Variants in CAP1 observed in about 807,000 individuals in gnomAD.
The protein encoded by CAP1 is adenylyl cyclase-associated protein 1.
Under a neutral mutation model 58.2 loss-of-function variants are expected in CAP1, and 11 were observed. The ratio of observed to expected loss-of-function variants is 0.19; its 90% CI spans 0.12 to 0.31. The LOEUF (loss-of-function observed/expected upper bound fraction) is 0.31. Ranked by LOEUF, CAP1 falls within the 10% of genes least tolerant of loss-of-function variation. The pLI is 1.00. For missense variants in CAP1, 423 were observed against 587.5 expected (o/e 0.72, Z 2.89); for synonymous variants, 183 against 213.8 (o/e 0.86, Z 1.26).
chr1:40,047,854 A>G (rs896431348), intron 1 of CAP1, among the ~76,000 whole-genome samples: 1 of 152,166 alleles, frequency 6.6e-6, no homozygotes, highest in Non-Finnish European at 1.5e-5. Flanking sequence ...GGTAGAGGAC[A>G]TGTGTAAGGA....
chr1:40,053,078 G>A (rs1299403984), intron 1 of CAP1, among the ~76,000 whole-genome samples: 1 of 152,146 alleles, frequency 6.6e-6, no homozygotes, highest in African/African-American at 2.4e-5. Context: ...CAAAAAATTA[G>A]CCGGGCGTGG....
chr1:40,063,009 T>G (rs966601734), intron 4 of CAP1, among the ~76,000 whole-genome samples: 4 of 151,918 alleles, frequency 2.6e-5, no homozygotes, highest in African/African-American at 9.7e-5. Context: ...AAAAAAATTT[T>G]TTTTTTGAGA....
chr1:40,070,545 C>T, intron 11 of CAP1, 33 bp downstream of exon 11: 2 of 1,505,126 alleles, frequency 1.3e-6, no homozygotes, highest in Non-Finnish European at 1.9e-6. Flanking sequence ...TCTTTTTGTC[C>T]CTGAGGAATT....
chr1:40,048,863 G>A (rs1646227012), intron 1 of CAP1, among the ~76,000 whole-genome samples: 1 of 152,144 alleles, frequency 6.6e-6, no homozygotes, highest in Non-Finnish European at 1.5e-5. Flanking sequence ...GCATTTTGAA[G>A]CAAATCAATT....
intron 7 of CAP1, 89 bp from the exon 8 acceptor site, chr1:40,067,429 TCAAAGGCTGTGGTGGGGACCCC>T (rs1647136509): frequency 6.6e-6 from 6 of 903,096 alleles, no homozygotes; most frequent in Non-Finnish European, 1.0e-5. Flanking sequence ...AATCATTGCC[TCAAAGGCTGTGGTGGGGACCCC>T]ATGTGCACTG....
In CAP1 at chr1:40,059,720, T is replaced by C. The variant is rs940412682; in HGVS notation, c.112+262T>C. On this transcript the variant is annotated intron_variant, in intron 2 of 12. Coordinates refer to ENST00000372805, the MANE Select transcript of CAP1 (RefSeq NM_006367.4). Reference sequence around the variant, plus strand: ...CAGAATGACTCCAATGTAAGTCAAATGACAAGTGATAATAAAATTCCTCTC... The same window carrying C: ...CAGAATGACTCCAATGTAAGTCAAACGACAAGTGATAATAAAATTCCTCTC... Among the ~76,000 whole-genome samples the C allele has an allele frequency of 2.6e-5, 4 of 152,320 alleles. No individual in the cohort carries two copies. The South Asian group carries it at 6.2e-4, about 24-fold the overall frequency.
At chr1:40,043,766 A>G (rs1041340039) in intron 1 of CAP1, among the ~76,000 whole-genome samples, 1 of 152,056 alleles carries the variant, frequency 6.6e-6, no homozygotes, top group African/African-American at 2.4e-5. Flanking sequence ...AGTCCCAGCT[A>G]CTTGGGAGGC....
At chr1:40,068,530 G>A (rs1190193834) in intron 8 of CAP1, among the ~76,000 whole-genome samples, 4 of 151,518 alleles carry the variant, frequency 2.6e-5, no homozygotes, top group Non-Finnish European at 5.9e-5. Context: ...TGCCCACCTC[G>A]GCCTCCCAAA....
chr1:40,055,689 T>A (rs1463849548), intron 1 of CAP1, among the ~76,000 whole-genome samples: 2 of 152,140 alleles, frequency 1.3e-5, no homozygotes, highest in African/African-American at 2.4e-5. Flanking sequence ...AAATTATTTT[T>A]GTAGAGACAA....
At chr1:40,061,123 T>G (rs1469822867) in intron 3 of CAP1, among the ~76,000 whole-genome samples, 2 of 151,878 alleles carry the variant, frequency 1.3e-5, no homozygotes, top group South Asian at 4.1e-4. Flanking sequence ...GATAAAAGTT[T>G]CACAAGATGA....
chr1:40,066,407 C>A, intron 7 of CAP1, 87 bp downstream of exon 7: 3 of 673,620 alleles, frequency 4.5e-6, no homozygotes, highest in South Asian at 1.6e-5. Flanking sequence ...TTCAGCACTA[C>A]CAAAGTCTGT....
chr1:40,055,961 A>G (rs1320911147), intron 1 of CAP1, among the ~76,000 whole-genome samples: 1 of 152,204 alleles, frequency 6.6e-6, no homozygotes, highest in East Asian at 1.9e-4. Flanking sequence ...AAGCACTTCT[A>G]CATGGATTCC....
Position 40,064,244 on chromosome 1 carries a change from G to T in CAP1, c.312G>T (p.Leu104Phe), listed in dbSNP as rs374583222. 8.3e-5 allele frequency: 134 copies of T among 1,614,020 alleles called. No homozygotes were observed. Among genetic ancestry groups the T allele is most frequent in the Non-Finnish European group, 1.1e-4 (131 of 1,180,022 alleles). Residue 104 changes from leucine to phenylalanine, a missense_variant, in exon 5 of 13, where the codon TTG becomes TTT. Leu to Phe is a conservative substitution (Grantham distance 22). Coordinates refer to ENST00000372805, the MANE Select transcript of CAP1 (RefSeq NM_006367.4). ...TTTCCTAGAATAAGCTTTCCGATTT[G>T]TTGGCACCCATCTCAGAGCAGATCA... ...QQPAENKLSD[L>F]LAPISEQIKE...
At chr1:40,062,974 T>A (rs994081115) in intron 4 of CAP1, among the ~76,000 whole-genome samples, 2 of 151,980 alleles carry the variant, frequency 1.3e-5, no homozygotes, top group African/African-American at 2.4e-5. Context: ...AGCCCCTAAT[T>A]GTTTTTTATT....
chr1:40,041,588 C>A (rs1414410474), intron 1 of CAP1: 2 of 152,184 alleles, frequency 1.3e-5, no homozygotes, highest in Non-Finnish European at 2.9e-5. Context: ...CTTCTTTCAG[C>A]CTCCTTTTGT....
intron 3 of CAP1, among the ~76,000 whole-genome samples, chr1:40,061,305 G>T (rs996144105): frequency 6.6e-6 from 1 of 152,188 alleles, no homozygotes; most frequent in Non-Finnish European, 1.5e-5. Flanking sequence ...TAATCTAAAG[G>T]AGTAAATACC....
intron 1 of CAP1, among the ~76,000 whole-genome samples, chr1:40,057,167 A>G (rs577205133): frequency 1.2e-4 from 19 of 152,364 alleles, no homozygotes; most frequent in Admixed American, 4.6e-4. Context: ...CTGTGTCTCC[A>G]TGTTAACAGT....
At chr1:40,067,475 A>T (rs549453216) in intron 7 of CAP1, 65 bp from the exon 8 acceptor site, 2 of 1,374,338 alleles carry the variant, frequency 1.5e-6, no homozygotes, top group South Asian at 2.7e-5. Flanking sequence ...CATGTAGGGC[A>T]CTACTGGGAA....
chr1:40,071,441 T>C lies in CAP1; in HGVS notation c.1345-9T>C. On this transcript the variant is annotated splice_polypyrimidine_tract_variant and intron_variant, in intron 12 of 12. Coordinates refer to ENST00000372805, the MANE Select transcript of CAP1 (RefSeq NM_006367.4). ...AGATTTAAACCTGCTGTCTCTTCTT[T>C]ATTTGCAGAATGAATTCCCAGTTCC... 6.2e-7 allele frequency: 1 copy of C among 1,603,372 alleles called. No individual in the cohort carries two copies.
Sources: allele counts gnomAD v4.1 joint callset (sites outside exome capture counted in the v4.1 genomes callset), GRCh38; gene constraint gnomAD v4.1.1; transcripts MANE v1.5; gene names NCBI Gene and HGNC (gene_info 2026-07-23, HGNC 2026-07-21).